DKK2: variants seen among roughly 807,000 people sequenced by gnomAD.
DKK2 encodes dickkopf-related protein 2.
In DKK2, 11 loss-of-function variants were observed where a neutral mutation model predicts 28.1. The observed-to-expected ratio is 0.39, with a 90% CI of 0.25 to 0.65. The LOEUF is 0.65. Among genes scored for constraint, DKK2 ranks in the 30% least tolerant of loss-of-function variants. DKK2 has a pLI of 0.47. For synonymous variants in DKK2, 135 were observed against 126.5 expected, an observed-to-expected ratio of 1.07 and a Z score of -0.45; for missense variants, 326 against 335.5, an observed-to-expected ratio of 0.97 and a Z score of 0.22.
chr4:106,961,465 G>T (rs1408493299), intron 1 of DKK2, among the ~76,000 whole-genome samples: 2 of 151,684 alleles, frequency 1.3e-5, no homozygotes, highest in African/African-American at 4.8e-5. Context: ...TTTCATAAGT[G>T]GTTACAGAAT....
In DKK2 at chr4:107,035,741, C is replaced by G; in HGVS notation, c.-150G>C. 6.9e-6 allele frequency: 5 copies of G among 724,888 alleles called. No homozygotes were observed. The highest frequency in any genetic ancestry group is 9.0e-6 in the Non-Finnish European group (4 of 444,136). 44.9% of individuals were successfully genotyped at this position (724,888 alleles called of 1,614,324 possible). Reference sequence around the variant, plus strand: ...CCCTTCCTGGTTCGGGGACCCAGGACCCTATGAACTCAGTCTCACGCCTCA... The same window carrying G: ...CCCTTCCTGGTTCGGGGACCCAGGAGCCTATGAACTCAGTCTCACGCCTCA... On this transcript the variant is annotated 5_prime_UTR_variant, in exon 1 of 4. Transcript: ENST00000285311.
chr4:106,950,835 C>T (rs1043848091), intron 1 of DKK2, among the ~76,000 whole-genome samples: 4 of 152,120 alleles, frequency 2.6e-5, no homozygotes, highest in Admixed American at 6.6e-5. Context: ...AAATTTTCCA[C>T]GAAGTTAACA....
chr4:106,977,383 A>C (rs1320232397), intron 1 of DKK2, among the ~76,000 whole-genome samples: 3 of 152,158 alleles, frequency 2.0e-5, no homozygotes, highest in African/African-American at 7.2e-5. Context: ...CACCAATCAA[A>C]TGTAGGTTTG....
chr4:106,997,420 G>A (rs1170507690), intron 1 of DKK2, among the ~76,000 whole-genome samples: 1 of 151,804 alleles, frequency 6.6e-6, no homozygotes, highest in Non-Finnish European at 1.5e-5. Context: ...AGACTTATCA[G>A]CCAAGTTTTA....
chr4:106,951,837 C>G, intron 1 of DKK2, among the ~76,000 whole-genome samples: 1 of 152,170 alleles, frequency 6.6e-6, no homozygotes, highest in South Asian at 2.1e-4. Context: ...TTAAAATTTT[C>G]TGCAAAATAT....
chr4:106,964,432 C>G (rs1423439435), intron 1 of DKK2, among the ~76,000 whole-genome samples: 8 of 151,980 alleles, frequency 5.3e-5, no homozygotes, highest in Admixed American at 5.2e-4. Context: ...GAAATAAGAT[C>G]TAATGTTTGA....
chr4:107,013,559 T>C (rs1210081060), intron 1 of DKK2, among the ~76,000 whole-genome samples: 1 of 151,360 alleles, frequency 6.6e-6, no homozygotes, highest in African/African-American at 2.4e-5. Context: ...AACTACTTAA[T>C]TCAGTTACAC....
At chr4:106,972,388 G>C (rs1489474384) in intron 1 of DKK2, among the ~76,000 whole-genome samples, 1 of 149,434 alleles carries the variant, frequency 6.7e-6, no homozygotes, top group Non-Finnish European at 1.5e-5. Context: ...TCTCTGGAAT[G>C]TTATTATCTT....
At chr4:106,942,140 G>A (rs1383682392) in intron 1 of DKK2, among the ~76,000 whole-genome samples, 1 of 152,026 alleles carries the variant, frequency 6.6e-6, no homozygotes, top group Admixed American at 6.6e-5. Context: ...TAGATGCTTT[G>A]GTTTGTGTGA....
rs1293361252 is a variant in DKK2, at chr4:106,938,679, T to C, written c.223-12730A>G. On this transcript the variant is annotated intron_variant, in intron 1 of 3. Transcript: ENST00000285311. Reference sequence around the variant, plus strand: ...ACAAAAAAATAGAATTTTAGACCAATATCCTTGATGAACATTGATGCAAAA... The same window carrying C: ...ACAAAAAAATAGAATTTTAGACCAACATCCTTGATGAACATTGATGCAAAA... 3.3e-5 allele frequency among the ~76,000 whole-genome samples: 5 copies of C among 152,104 alleles called. No individual in the cohort carries two copies. The East Asian group carries it at 9.6e-4, about 29-fold the overall frequency.
intron 1 of DKK2, among the ~76,000 whole-genome samples, chr4:106,926,598 C>T (rs1724429275): frequency 6.6e-6 from 1 of 152,068 alleles, no homozygotes; most frequent in Non-Finnish European, 1.5e-5. Flanking sequence ...CAGAGAGATG[C>T]TAAGCTCCAA....
intron 1 of DKK2, among the ~76,000 whole-genome samples, chr4:106,991,655 G>A (rs923942883): frequency 6.6e-6 from 1 of 152,108 alleles, no homozygotes; most frequent in East Asian, 1.9e-4. Flanking sequence ...ATTTGCCACA[G>A]TGTTTTCGTT....
chr4:106,949,094 A>G (rs1397415121), intron 1 of DKK2, among the ~76,000 whole-genome samples: 3 of 152,122 alleles, frequency 2.0e-5, no homozygotes, highest in African/African-American at 7.2e-5. Context: ...GCCAACACAT[A>G]TTTCAACATC....
intron 1 of DKK2, among the ~76,000 whole-genome samples, chr4:106,940,283 C>G (rs1724673721): frequency 1.3e-5 from 2 of 152,262 alleles, no homozygotes; most frequent in African/African-American, 4.8e-5. Flanking sequence ...ATAACCCCAT[C>G]AAAAAGTGGG....
intron 1 of DKK2, among the ~76,000 whole-genome samples, chr4:107,005,736 G>A (rs1723429295): frequency 6.6e-6 from 1 of 152,018 alleles, no homozygotes; most frequent in African/African-American, 2.4e-5. Flanking sequence ...TATTTTATTA[G>A]CATTTCATTT....
chr4:107,033,574 T>C (rs1243647502), intron 1 of DKK2, among the ~76,000 whole-genome samples: 1 of 152,194 alleles, frequency 6.6e-6, no homozygotes, highest in Admixed American at 6.5e-5. Flanking sequence ...ACATCAGGTA[T>C]GTTGGCCCAA....
intron 1 of DKK2, among the ~76,000 whole-genome samples, chr4:106,983,013 AAAGG>A (rs991128648): frequency 8.0e-5 from 12 of 150,156 alleles, no homozygotes; most frequent in Non-Finnish European, 1.6e-4. Context: ...AAAAAGAGAG[AAAGG>A]AAGGAAGGAA....
chr4:107,006,996 C>G (rs1331217811), intron 1 of DKK2, among the ~76,000 whole-genome samples: 1 of 150,610 alleles, frequency 6.6e-6, no homozygotes, highest in Non-Finnish European at 1.5e-5. Context: ...AAAGAACAGT[C>G]CTTTTTTTTT....
At chr4:107,011,886 A>G (rs915371604) in intron 1 of DKK2, among the ~76,000 whole-genome samples, 2 of 151,436 alleles carry the variant, frequency 1.3e-5, no homozygotes, top group African/African-American at 2.4e-5. Flanking sequence ...TTATTAATGA[A>G]AAGAGTTTTG....
Sources: gnomAD v4.1 joint callset for allele counts (sites outside exome capture counted in the v4.1 genomes callset) on GRCh38, gnomAD v4.1.1 for gene constraint, MANE v1.5 for transcripts, NCBI Gene and HGNC (gene_info 2026-07-23, HGNC 2026-07-21) for gene names.